The following ESRRG variants were observed in gnomAD, a reference collection of about 807,000 sequenced individuals.
ESRRG encodes the protein estrogen-related receptor gamma.
Under a neutral mutation model 44.0 loss-of-function variants are expected in ESRRG, and 13 were observed. That is an observed-to-expected ratio of 0.30 (90% CI 0.19 to 0.47). The LOEUF is 0.47. Among genes scored for constraint, ESRRG ranks in the 20% least tolerant of loss-of-function variants. ESRRG has a pLI of 1.00. For synonymous variants in ESRRG, 215 were observed against 214.6 expected (o/e 1.00, Z -0.02); for missense variants, 395 against 580.6 (o/e 0.68, Z 3.29).
At chr1:216,578,042 T>TTTGA (rs2062014713) in intron 3 of ESRRG, among the ~76,000 whole-genome samples, 1 of 152,024 alleles carries the variant, frequency 6.6e-6, no homozygotes, top group African/African-American at 2.4e-5. Context: ...AGGCATGATG[T>TTTGA]TTGATAATAT....
At chr1:216,700,626 G>T (rs2081220084) in intron 1 of ESRRG, among the ~76,000 whole-genome samples, 1 of 152,142 alleles carries the variant, frequency 6.6e-6, no homozygotes, top group African/African-American at 2.4e-5. Context: ...GGATTAGTAT[G>T]AAAGATGGTA....
Position 217,005,345 on chromosome 1 carries a change from A to G in ESRRG, c.-105-65672T>C, listed in dbSNP as rs897994781. 9.8e-5 allele frequency among the ~76,000 whole-genome samples: 15 copies of G among 152,312 alleles called. 1 individual carries two copies. Among genetic ancestry groups the G allele is most frequent in the East Asian group, 9.6e-4 (5 of 5,186 alleles). Reference sequence around the variant, plus strand: ...TGGCATAAGCTGGACAGTAAATTACATATTAAAACAAAGACTGGTGCCTTT... The same window carrying G: ...TGGCATAAGCTGGACAGTAAATTACGTATTAAAACAAAGACTGGTGCCTTT... On this transcript the variant is annotated intron_variant, in intron 1 of 7. Coordinates refer to the ESRRG transcript ENST00000359162.
intron 3 of ESRRG, among the ~76,000 whole-genome samples, chr1:216,588,737 A>G (rs927091988): frequency 5.3e-5 from 8 of 152,224 alleles, no homozygotes; most frequent in Non-Finnish European, 4.4e-5. Context: ...ATCATTTGAT[A>G]TCTCCATTTT....
chr1:217,076,771 A>G (rs2091335713), intron 1 of ESRRG: 1 of 152,232 alleles, frequency 6.6e-6, no homozygotes, highest in Non-Finnish European at 1.5e-5. Flanking sequence ...GAGAACTTCT[A>G]GTACGCAATT....
chr1:216,745,859 AT>A (rs1306084272), intron 2 of ESRRG, among the ~76,000 whole-genome samples: 2 of 152,216 alleles, frequency 1.3e-5, no homozygotes, highest in African/African-American at 2.4e-5. Flanking sequence ...GCAATTATCT[AT>A]GTATCAAACT....
At chr1:216,636,009 G>A (rs1360976616) in intron 3 of ESRRG, among the ~76,000 whole-genome samples, 2 of 152,186 alleles carry the variant, frequency 1.3e-5, no homozygotes, top group African/African-American at 4.8e-5. Flanking sequence ...ACTGTGCTAA[G>A]CATTTTAAAT....
At chr1:216,939,357 A>AAAAAAAAAAAAAAAAAAAAAAAAG (rs2064778352) in intron 2 of ESRRG, among the ~76,000 whole-genome samples, 1 of 134,742 alleles carries the variant, frequency 7.4e-6, no homozygotes, top group Non-Finnish European at 1.7e-5. Flanking sequence ...AAAAAAAAAA[A>AAAAAAAAAAAAAAAAAAAAAAAAG]AAAAAAAAAA....
intron 2 of ESRRG, among the ~76,000 whole-genome samples, chr1:216,939,360 A>AAAAAAAC (rs2064786725): frequency 4.2e-5 from 6 of 142,366 alleles, no homozygotes; most frequent in East Asian, 3.9e-4. Context: ...AAAAAAAAAA[A>AAAAAAAC]AAAAAAAAAA....
chr1:216,513,939 C>G (rs1262417110), intron 6 of ESRRG, among the ~76,000 whole-genome samples: 1 of 152,090 alleles, frequency 6.6e-6, no homozygotes, highest in Non-Finnish European at 1.5e-5. Flanking sequence ...CGTTTTGTAA[C>G]AGAGCTCATT....
chr1:216,549,720 C>T (rs533634366), intron 5 of ESRRG, among the ~76,000 whole-genome samples: 2 of 152,238 alleles, frequency 1.3e-5, no homozygotes, highest in East Asian at 3.9e-4. Context: ...ATTGCCCACA[C>T]AGAGAAGCTC....
intron 2 of ESRRG, among the ~76,000 whole-genome samples, chr1:216,908,974 G>A (rs543419705): frequency 2.6e-4 from 40 of 151,994 alleles, no homozygotes; most frequent in Non-Finnish European, 5.7e-4. Flanking sequence ...ATAAAGAGGG[G>A]ATTAAAAATT....
At chr1:216,606,911 G>T (rs2060004896) in intron 3 of ESRRG, among the ~76,000 whole-genome samples, 1 of 152,168 alleles carries the variant, frequency 6.6e-6, no homozygotes, top group Admixed American at 6.5e-5. Context: ...CACCACTGTT[G>T]AGGGGTGGAA....
intron 2 of ESRRG, among the ~76,000 whole-genome samples, chr1:216,891,069 T>A (rs1471169074): frequency 6.6e-6 from 1 of 152,184 alleles, no homozygotes; most frequent in African/African-American, 2.4e-5. Flanking sequence ...GACGCCCATA[T>A]GGAAAAAAAG....
At chr1:217,008,451 G>A (rs181989064) in intron 1 of ESRRG, among the ~76,000 whole-genome samples, 1 of 152,330 alleles carries the variant, frequency 6.6e-6, no homozygotes, top group Non-Finnish European at 1.5e-5. Context: ...TGGAATATTA[G>A]AAGGCAACCA....
chr1:216,517,715 C>T (rs1197136307), intron 6 of ESRRG, among the ~76,000 whole-genome samples: 1 of 152,078 alleles, frequency 6.6e-6, no homozygotes, highest in African/African-American at 2.4e-5. Flanking sequence ...AAAATTTCTA[C>T]CCCATCTCTC....
At chr1:216,923,359 A>G (rs973954876) in intron 2 of ESRRG, among the ~76,000 whole-genome samples, 3 of 152,258 alleles carry the variant, frequency 2.0e-5, no homozygotes, top group African/African-American at 7.2e-5. Flanking sequence ...TCCAAAATCA[A>G]AATCATAGCT....
At chr1:216,831,596 T>C (rs897553827) in intron 2 of ESRRG, among the ~76,000 whole-genome samples, 1 of 151,876 alleles carries the variant, frequency 6.6e-6, no homozygotes, top group African/African-American at 2.4e-5. Context: ...TAAATACTAA[T>C]AGAAATCGTG....
intron 3 of ESRRG, among the ~76,000 whole-genome samples, chr1:216,597,426 A>G (rs1401875308): frequency 2.0e-5 from 3 of 152,204 alleles, no homozygotes; most frequent in Non-Finnish European, 4.4e-5. Flanking sequence ...TCTGTGCATG[A>G]AGAAGATGGA....
chr1:217,129,138 A>G (rs2092926931), intron 1 of ESRRG, among the ~76,000 whole-genome samples: 1 of 152,242 alleles, frequency 6.6e-6, no homozygotes, highest in Non-Finnish European at 1.5e-5. Flanking sequence ...CTTACAACTC[A>G]ACAACAAAGA....
Sources: allele counts gnomAD v4.1 joint callset (sites outside exome capture counted in the v4.1 genomes callset), GRCh38; gene constraint gnomAD v4.1.1; transcripts MANE v1.5; gene names NCBI Gene and HGNC (gene_info 2026-07-23, HGNC 2026-07-21).